Variants in FKTN observed in about 807,000 individuals in gnomAD.
FKTN encodes fukutin, also known as ribitol-5-phosphate transferase FKTN.
FKTN carries 47 observed loss-of-function variants against 58.6 expected under a neutral mutation model. The observed-to-expected ratio is 0.80, with a 90% CI of 0.63 to 1.02. FKTN has a LOEUF of 1.02. Among genes scored for constraint, FKTN ranks in the 50% least tolerant of loss-of-function variants. The pLI, the probability that FKTN is intolerant of heterozygous loss-of-function variation, is 0.00. For synonymous variants in FKTN, 178 were observed against 191.9 expected (o/e 0.93, Z 0.60); for missense variants, 516 against 537.3 (o/e 0.96, Z 0.39).
intron 3 of FKTN, among the ~76,000 whole-genome samples, chr9:105,584,649 A>C (rs530833663): frequency 3.1e-4 from 47 of 152,148 alleles, no homozygotes; most frequent in Admixed American, 7.2e-4. Flanking sequence ...GCAAAACCCC[A>C]TTTCTACAAA....
At position 105,607,822 on chromosome 9, in the gene FKTN, A is replaced by G. The variant is rs1829178794; in HGVS notation, c.651A>G (p.Pro217=). Residue 217 remains proline (P), a synonymous_variant, in exon 7 of 11, where the codon CCA becomes CCG. Transcript: ENST00000357998. ...FGRYPGAFDR[P]ELQQVTVDGL... The stretch of plus-strand genomic sequence containing the variant: ...AAATCTTAACTTTTGTTTTCAGGCC[A>G]GAGTTACAGCAAGTTACTGTTGATG... The G allele has an allele frequency of 3.7e-6, 6 of 1,611,982 alleles. No individual in the cohort carries two copies. The East Asian group carries it at 1.1e-4, about 30-fold the overall frequency.
rs1833948322 is a variant in FKTN, at chr9:105,635,260, A to G, written c.1382A>G (p.Tyr461Cys). 2 of 1,613,990 alleles carry G rather than the reference A, an allele frequency of 1.2e-6. No homozygotes were observed. The highest frequency in any genetic ancestry group is 1.7e-6 in the Non-Finnish European group (2 of 1,179,828). ...ISEWDEVIQLY is the reference protein window; with the variant it reads ...ISEWDEVIQLC ...GAGTGGGATGAGGTTATCCAGTTAT[A>G]TTGAGATAGTAGGTTGAAATGGGAG... Residue 461 changes from tyrosine to cysteine, a missense_variant, in exon 11 of 11, where the codon TAT becomes TGT. Coordinates refer to ENST00000357998, the MANE Select transcript of FKTN (RefSeq NM_001079802.2).
chr9:105,580,077 G>T (rs1441589702), intron 3 of FKTN, among the ~76,000 whole-genome samples: 4 of 151,866 alleles, frequency 2.6e-5, no homozygotes, highest in Admixed American at 2.6e-4. Flanking sequence ...CGTGAGATGG[G>T]TTTCCTGAAT....
intron 10 of FKTN, among the ~76,000 whole-genome samples, chr9:105,630,255 T>C (rs1800555941): frequency 1.3e-5 from 2 of 152,196 alleles, no homozygotes; most frequent in Non-Finnish European, 1.5e-5. Context: ...TATACTCAGC[T>C]GTGTTACATT....
chr9:105,568,747 T>C (rs1840171365), intron 1 of FKTN, among the ~76,000 whole-genome samples: 1 of 152,228 alleles, frequency 6.6e-6, no homozygotes, highest in Non-Finnish European at 1.5e-5. Flanking sequence ...CTCTGGGATC[T>C]AGAACTAGAA....
intron 1 of FKTN, among the ~76,000 whole-genome samples, chr9:105,572,114 G>A (rs1424032972): frequency 1.3e-5 from 2 of 151,836 alleles, no homozygotes; most frequent in African/African-American, 4.8e-5. Flanking sequence ...CACAGTTTTG[G>A]GAGATACAAA....
chr9:105,625,985 T>G (rs986672551), intron 10 of FKTN, among the ~76,000 whole-genome samples: 2 of 152,210 alleles, frequency 1.3e-5, no homozygotes, highest in African/African-American at 4.8e-5. Context: ...ATAAACTAGA[T>G]GGTATGTTGC....
intron 8 of FKTN, 96 bp from the exon 9 acceptor site, chr9:105,617,863 A>C (rs1008810842): frequency 1.2e-6 from 1 of 862,562 alleles, no homozygotes; most frequent in Non-Finnish European, 1.8e-6. Flanking sequence ...TCTTTAAAAA[A>C]AAAGAAAAAA....
chr9:105,577,011 G>A (rs1248726385), intron 3 of FKTN, among the ~76,000 whole-genome samples: 1 of 102,578 alleles, frequency 9.7e-6, no homozygotes, highest in African/African-American at 4.2e-5. Flanking sequence ...TTTTTGATGG[G>A]GTGGTTTGTT....
At chr9:105,626,500 T>C (rs1274676859) in intron 10 of FKTN, among the ~76,000 whole-genome samples, 1 of 152,192 alleles carries the variant, frequency 6.6e-6, no homozygotes, top group Non-Finnish European at 1.5e-5. Context: ...CCAAAGGTCT[T>C]ACCTCTTAAT....
At chr9:105,560,248 C>A (rs894125143) in intron 1 of FKTN, among the ~76,000 whole-genome samples, 4 of 152,166 alleles carry the variant, frequency 2.6e-5, no homozygotes, top group Admixed American at 2.6e-4. Context: ...CCCTTAGCAT[C>A]TACATCAGTG....
chr9:105,583,139 G>C (rs2132271957), intron 3 of FKTN, among the ~76,000 whole-genome samples: 1 of 152,332 alleles, frequency 6.6e-6, no homozygotes, highest in African/African-American at 2.4e-5. Context: ...GAAGGGGTTT[G>C]GGAATGGGTG....
chr9:105,615,289 T>C lies in FKTN; in HGVS notation c.792T>C (p.Asp264=). Reference sequence around the variant, plus strand: ...TATTATATCTGTAGCAGTACCTTGATGATAACACTGTGGAAGCTGTGGCCT... The same window carrying C: ...TATTATATCTGTAGCAGTACCTTGACGATAACACTGTGGAAGCTGTGGCCT... The part of the protein sequence containing the change: ...EARAFFQQYL[D]DNTVEAVAFR... Residue 264 remains aspartate (D), a synonymous_variant, in exon 8 of 11, where the codon GAT becomes GAC. Transcript: ENST00000357998. 1 of 1,614,054 alleles carries C rather than the reference T, an allele frequency of 6.2e-7. No homozygotes were observed. The highest frequency in any genetic ancestry group is 8.5e-7 in the Non-Finnish European group (1 of 1,179,886).
At chr9:105,574,703 G>A (rs1278454209) in intron 2 of FKTN, among the ~76,000 whole-genome samples, 2 of 152,182 alleles carry the variant, frequency 1.3e-5, no homozygotes, top group Admixed American at 1.3e-4. Context: ...AACCTTGTTG[G>A]TCAGTTTTTA....
At position 105,586,179 on chromosome 9, in the gene FKTN, A is replaced by G. The variant is rs1394643940; in HGVS notation, c.106-10419A>G. ...AGCCTAGCTTTTCTATGATCCTCCAAATGGGATCTGAATAATCCAGTTATC... is the reference window on the plus strand; with the variant it reads ...AGCCTAGCTTTTCTATGATCCTCCAGATGGGATCTGAATAATCCAGTTATC... On this transcript the variant is annotated intron_variant, in intron 3 of 10. Transcript: ENST00000357998. 3.3e-5 allele frequency among the ~76,000 whole-genome samples: 5 copies of G among 152,214 alleles called. No individual in the cohort carries two copies. In the East Asian group the frequency reaches 9.6e-4, roughly 29 times the overall value.
intron 10 of FKTN, chr9:105,624,271 A>C (rs773791015): frequency 6.6e-6 from 1 of 152,110 alleles, no homozygotes; most frequent in Non-Finnish European, 1.5e-5. Flanking sequence ...CTTTCTTCTT[A>C]TTATCCCAAG....
intron 10 of FKTN, among the ~76,000 whole-genome samples, chr9:105,622,579 G>C (rs1405622421): frequency 6.6e-6 from 1 of 151,860 alleles, no homozygotes; most frequent in African/African-American, 2.4e-5. Flanking sequence ...CTCACCTCCA[G>C]TTAGACATTA....
chr9:105,585,868 A>G (rs1158015139), intron 3 of FKTN, among the ~76,000 whole-genome samples: 2 of 152,228 alleles, frequency 1.3e-5, no homozygotes, highest in Non-Finnish European at 2.9e-5. Context: ...CGTCATCAAC[A>G]TAAAAACCAA....
chr9:105,639,946 A>ATAT lies in FKTN; in HGVS notation c.*4683_*4685dup. 6.8e-7 allele frequency: 1 copy of ATAT among 1,478,850 alleles called. No homozygotes were observed. Among genetic ancestry groups the ATAT allele is most frequent in the Non-Finnish European group, 8.9e-7 (1 of 1,119,774 alleles). 91.6% of individuals were successfully genotyped at this position (1,478,850 alleles called of 1,614,324 possible). A position where few individuals can be genotyped will look rare whatever the true frequency, so the allele number is the denominator to read the frequency against. ...TTTACCTCCTTGTTAGTGAAATTAG[A>ATAT]TATAAGCCATGATTTGGAGAGGGAA... On this transcript the variant is annotated 3_prime_UTR_variant, in exon 11 of 11. Transcript: ENST00000357998.
Sources: gnomAD v4.1 joint callset for allele counts (sites outside exome capture counted in the v4.1 genomes callset) on GRCh38, gnomAD v4.1.1 for gene constraint, MANE v1.5 for transcripts, NCBI Gene and HGNC (gene_info 2026-07-23, HGNC 2026-07-21) for gene names.